The following CLSTN2 variants were observed in gnomAD, a reference collection of about 807,000 sequenced individuals.
CLSTN2 encodes the protein calsyntenin-2.
A neutral mutation model predicts 101.2 loss-of-function variants in CLSTN2; 48 were observed. That is an observed-to-expected ratio of 0.47 (90% CI 0.38 to 0.60). CLSTN2 has a LOEUF of 0.60. Among genes scored for constraint, CLSTN2 ranks in the 20% least tolerant of loss-of-function variants. CLSTN2 has a pLI of 0.00. For synonymous variants in CLSTN2, 481 were observed against 463.6 expected, an observed-to-expected ratio of 1.04 and a Z score of -0.48; for missense variants, 1,160 against 1,238.2, an observed-to-expected ratio of 0.94 and a Z score of 0.95.
intron 8 of CLSTN2, among the ~76,000 whole-genome samples, chr3:140,494,902 T>C (rs1348546933): frequency 6.6e-6 from 1 of 152,230 alleles, no homozygotes; most frequent in African/African-American, 2.4e-5. Context: ...TTTGCTATTG[T>C]GAATAGTGCT....
intron 2 of CLSTN2, among the ~76,000 whole-genome samples, chr3:140,283,683 A>G (rs2086869659): frequency 6.6e-6 from 1 of 152,200 alleles, no homozygotes; most frequent in Non-Finnish European, 1.5e-5. Flanking sequence ...AGAAAGATGA[A>G]TGAGTCCAAA....
At chr3:140,440,070 G>A (rs2088743049) in intron 5 of CLSTN2, among the ~76,000 whole-genome samples, 1 of 152,256 alleles carries the variant, frequency 6.6e-6, no homozygotes, top group Non-Finnish European at 1.5e-5. Context: ...TTCTCAGGGA[G>A]AGTGGAGGCT....
chr3:140,097,843 C>A (rs1311097778), intron 1 of CLSTN2, among the ~76,000 whole-genome samples: 1 of 152,116 alleles, frequency 6.6e-6, no homozygotes, highest in East Asian at 1.9e-4. Context: ...GTAATTATTT[C>A]CCCCAAATGC....
chr3:140,016,858 T>C (rs186016039), intron 1 of CLSTN2, among the ~76,000 whole-genome samples: 132 of 147,728 alleles, frequency 8.9e-4, no homozygotes, highest in African/African-American at 3.2e-3. Flanking sequence ...GATGGATGCA[T>C]AAAGTATATA....
At chr3:140,159,827 A>G (rs1322559380) in intron 1 of CLSTN2, among the ~76,000 whole-genome samples, 31 of 152,320 alleles carry the variant, frequency 2.0e-4, no homozygotes, top group Admixed American at 2.0e-3. Flanking sequence ...AATACTATGC[A>G]ACCATAAAAA....
intron 1 of CLSTN2, among the ~76,000 whole-genome samples, chr3:139,942,876 A>G (rs1162466899): frequency 2.0e-5 from 3 of 152,174 alleles, no homozygotes; most frequent in Non-Finnish European, 4.4e-5. Flanking sequence ...AACTCTAAGG[A>G]CAGGCAACTT....
intron 8 of CLSTN2, among the ~76,000 whole-genome samples, chr3:140,511,424 G>T (rs2107768087): frequency 6.6e-6 from 1 of 151,624 alleles, no homozygotes; most frequent in South Asian, 2.1e-4. Context: ...TCTGCCTCTA[G>T]ATCTTTGAGG....
At chr3:140,383,668 T>C (rs568017489) in intron 2 of CLSTN2, among the ~76,000 whole-genome samples, 2 of 152,186 alleles carry the variant, frequency 1.3e-5, no homozygotes, top group Admixed American at 1.3e-4. Flanking sequence ...TCTACAAATA[T>C]CCACTATATA....
chr3:140,456,319 G>C (rs1933397213), intron 6 of CLSTN2, among the ~76,000 whole-genome samples: 1 of 152,098 alleles, frequency 6.6e-6, no homozygotes, highest in Admixed American at 6.5e-5. Flanking sequence ...TCACTAGCTG[G>C]GTGCCATCCT....
chr3:140,212,130 T>C (rs1408429348), intron 2 of CLSTN2, among the ~76,000 whole-genome samples: 1 of 152,214 alleles, frequency 6.6e-6, no homozygotes, highest in Non-Finnish European at 1.5e-5. Context: ...CAAGGCATGA[T>C]AGTTCAGTTC....
chr3:139,959,244 C>G (rs1442895568), intron 1 of CLSTN2, among the ~76,000 whole-genome samples: 1 of 152,162 alleles, frequency 6.6e-6, no homozygotes, highest in East Asian at 1.9e-4. Context: ...GTGTCTCCTT[C>G]TTTTATCCCT....
chr3:140,444,021 A>G lies in CLSTN2; in HGVS notation c.788-4498A>G, dbSNP rs1224498930. ...CTGATAAAACTGACAATACTTCTTGATCTTTTGCCAACATTGGGATTATCA... is the reference window on the plus strand; with the variant it reads ...CTGATAAAACTGACAATACTTCTTGGTCTTTTGCCAACATTGGGATTATCA... On this transcript the variant is annotated intron_variant, in intron 5 of 16. Transcript: ENST00000458420. Among the ~76,000 whole-genome samples, 13 of 152,188 alleles carry G rather than the reference A, an allele frequency of 8.5e-5. 1 individual carries two copies. Among genetic ancestry groups the G allele is most frequent in the Admixed American group, 8.5e-4 (13 of 15,282 alleles).
rs2087390462 is a variant in CLSTN2 at position 140,332,286 on chromosome 3, TTAATGTTCTTGCGTTA to T, written c.233-71341_233-71326del. ...ATGCACACAGAAGACTCTGAGCTGTTTAATGTTCTTGCGTTATCAAACTGGAGGCAGGAAAAAAGAG... is the reference window on the plus strand; with the variant it reads ...ATGCACACAGAAGACTCTGAGCTGTTTCAAACTGGAGGCAGGAAAAAAGAG... On this transcript the variant is annotated intron_variant, in intron 2 of 16. Coordinates refer to ENST00000458420, the MANE Select transcript of CLSTN2 (RefSeq NM_022131.3). Among the ~76,000 whole-genome samples the T allele has an allele frequency of 2.6e-5, 4 of 152,292 alleles. No homozygotes were observed. The South Asian group carries it at 8.3e-4, about 32-fold the overall frequency.
At chr3:140,222,813 T>C (rs1252137881) in intron 2 of CLSTN2, among the ~76,000 whole-genome samples, 1 of 151,182 alleles carries the variant, frequency 6.6e-6, no homozygotes, top group Non-Finnish European at 1.5e-5. Flanking sequence ...AAATATGTCA[T>C]GTGACCTGTA....
intron 2 of CLSTN2, among the ~76,000 whole-genome samples, chr3:140,265,992 T>A (rs1309234294): frequency 6.6e-6 from 1 of 152,184 alleles, no homozygotes; most frequent in African/African-American, 2.4e-5. Flanking sequence ...TGGCCTCAGC[T>A]CAGCCAGCTA....
At chr3:140,335,308 G>A (rs201303585) in intron 2 of CLSTN2, among the ~76,000 whole-genome samples, 4 of 152,196 alleles carry the variant, frequency 2.6e-5, no homozygotes, top group Admixed American at 6.5e-5. Flanking sequence ...TTTAAGAATC[G>A]TGTACTATAT....
chr3:139,973,633 TTTTC>T (rs760874587), intron 1 of CLSTN2, among the ~76,000 whole-genome samples: 1 of 152,016 alleles, frequency 6.6e-6, no homozygotes, highest in African/African-American at 2.4e-5. Flanking sequence ...GTCCTCTTTC[TTTTC>T]TTTCTTTCTT....
chr3:140,558,851 A>G lies in CLSTN2; in HGVS notation c.2035A>G (p.Thr679Ala), dbSNP rs763303865. The part of the protein sequence containing the change: ...AKTEAPGDVK[T>A]TDPKSEVLEE... ...AACCGAAGCCCCCGGGGACGTGAAA[A>G]CCACAGGTACAGGTGCATTTGAGTT... The change falls in exon 12 of 17, where the codon ACC becomes GCC. Residue 679 changes from threonine to alanine, a missense_variant. Transcript: ENST00000458420. 2.0e-5 allele frequency: 32 copies of G among 1,613,370 alleles called. No homozygotes were observed. Among genetic ancestry groups the G allele is most frequent in the Non-Finnish European group, 2.5e-5 (30 of 1,179,926 alleles).
chr3:140,156,619 G>A (rs2009957977), intron 1 of CLSTN2, among the ~76,000 whole-genome samples: 1 of 152,200 alleles, frequency 6.6e-6, no homozygotes, highest in Admixed American at 6.5e-5. Flanking sequence ...GCCAGTGACT[G>A]AGTGTGGGGA....
Sources: gnomAD v4.1 joint callset for allele counts (sites outside exome capture counted in the v4.1 genomes callset) on GRCh38, gnomAD v4.1.1 for gene constraint, MANE v1.5 for transcripts, NCBI Gene and HGNC (gene_info 2026-07-23, HGNC 2026-07-21) for gene names.